Variants in CDH6 observed in about 807,000 individuals in gnomAD.
CDH6 encodes cadherin 6.
A neutral mutation model predicts 78.0 loss-of-function variants in CDH6; 31 were observed. That is an observed-to-expected ratio of 0.40 (90% CI 0.30 to 0.54). The LOEUF is 0.54. CDH6 is among the 20% of genes least tolerant of loss of function. The probability of loss-of-function intolerance (pLI) is 0.56; values close to 1 mark genes in which losing one functional copy is unlikely to be tolerated. For synonymous variants in CDH6, 376 were observed against 368.8 expected (o/e 1.02, Z -0.23); for missense variants, 724 against 975.9 (o/e 0.74, Z 3.44).
chr5:31,236,228 T>TA (rs1289462196), intron 1 of CDH6, among the ~76,000 whole-genome samples: 2 of 152,222 alleles, frequency 1.3e-5, no homozygotes, highest in Non-Finnish European at 2.9e-5. Context: ...ACAGGAAAAT[T>TA]AATGGGAAAA....
intron 5 of CDH6, 78 bp downstream of exon 5, chr5:31,299,709 G>A (rs1412566762): frequency 1.6e-6 from 2 of 1,284,478 alleles, no homozygotes; most frequent in Non-Finnish European, 2.2e-6. Context: ...ATTTTCCATT[G>A]TCATCATTAT....
intron 2 of CDH6, among the ~76,000 whole-genome samples, chr5:31,280,529 G>A (rs1451765977): frequency 5.3e-5 from 8 of 151,474 alleles, no homozygotes; most frequent in African/African-American, 2.4e-5. Context: ...TTTCTTGAGG[G>A]GTTTAAGTCT....
intron 6 of CDH6, 30 bp downstream of exon 6, chr5:31,302,328 G>A: frequency 6.6e-7 from 1 of 1,524,054 alleles, no homozygotes; most frequent in Non-Finnish European, 9.0e-7. Context: ...ACCATACAGA[G>A]TGAACCCATT....
intron 1 of CDH6, chr5:31,251,881 T>G (rs1159126276): frequency 6.6e-6 from 1 of 152,222 alleles, no homozygotes; most frequent in Non-Finnish European, 1.5e-5. Flanking sequence ...TATTTTTATG[T>G]TCATATTCCA....
intron 2 of CDH6, among the ~76,000 whole-genome samples, chr5:31,292,064 C>T (rs987695849): frequency 6.6e-6 from 1 of 152,186 alleles, no homozygotes; most frequent in Non-Finnish European, 1.5e-5. Context: ...CCTCTTCCTG[C>T]GCTCAAGAGT....
rs1003259773 is a variant in CDH6, at chr5:31,324,341, T to G, written c.*1033T>G. The G allele has an allele frequency of 1.4e-5, 3 of 213,490 alleles. No individual in the cohort carries two copies. Among genetic ancestry groups the G allele is most frequent in the Non-Finnish European group, 2.8e-5 (3 of 105,862 alleles). 13.2% of individuals were successfully genotyped at this position (213,490 alleles called of 1,614,324 possible). On this transcript the variant is annotated 3_prime_UTR_variant, in exon 12 of 12. Coordinates refer to ENST00000265071, the MANE Select transcript of CDH6 (RefSeq NM_004932.4). ...TAGTAAAGTTAGATTAAATAAAACT[T>G]AAATCTCACTCTAGGAGTTCAGTGG...
chr5:31,270,806 C>T (rs934416294), intron 2 of CDH6, among the ~76,000 whole-genome samples: 1 of 152,112 alleles, frequency 6.6e-6, no homozygotes, highest in African/African-American at 2.4e-5. Context: ...AAGATGTCCT[C>T]CTGCCCCAAC....
chr5:31,262,809 C>A (rs147239206), intron 1 of CDH6, among the ~76,000 whole-genome samples: 2 of 152,248 alleles, frequency 1.3e-5, no homozygotes, highest in Non-Finnish European at 2.9e-5. Flanking sequence ...CAAAATGAGC[C>A]ACCACATCTG....
chr5:31,237,397 T>C (rs1741481582), intron 1 of CDH6, among the ~76,000 whole-genome samples: 1 of 152,156 alleles, frequency 6.6e-6, no homozygotes, highest in African/African-American at 2.4e-5. Flanking sequence ...TGAACCACGC[T>C]ATCCACAAGC....
At chr5:31,295,824 T>C (rs1306352131) in intron 3 of CDH6, among the ~76,000 whole-genome samples, 2 of 152,174 alleles carry the variant, frequency 1.3e-5, no homozygotes, top group African/African-American at 4.8e-5. Context: ...CAAAGGGCTA[T>C]CATGAGGATT....
chr5:31,251,966 A>G (rs1741921094), intron 1 of CDH6: 1 of 152,210 alleles, frequency 6.6e-6, no homozygotes, highest in East Asian at 1.9e-4. Context: ...CCTCTTTCCC[A>G]TATAGCTGAA....
At chr5:31,275,882 G>A (rs1382878460) in intron 2 of CDH6, among the ~76,000 whole-genome samples, 1 of 152,118 alleles carries the variant, frequency 6.6e-6, no homozygotes, top group Non-Finnish European at 1.5e-5. Context: ...AACCTCTCTA[G>A]CCAAATTTTA....
intron 6 of CDH6, among the ~76,000 whole-genome samples, chr5:31,302,907 G>GA (rs756951213): frequency 1.2e-5 from 1 of 86,796 alleles, no homozygotes; most frequent in African/African-American, 3.8e-5. Flanking sequence ...AAGAAAAAAA[G>GA]AAAGAAAGAA....
intron 7 of CDH6, among the ~76,000 whole-genome samples, chr5:31,308,713 T>G (rs1328577439): frequency 6.6e-6 from 1 of 152,124 alleles, no homozygotes; most frequent in Non-Finnish European, 1.5e-5. Flanking sequence ...AGTTACTATC[T>G]CTTTCAAATT....
intron 1 of CDH6, among the ~76,000 whole-genome samples, chr5:31,237,445 G>T (rs1349277820): frequency 6.6e-6 from 1 of 152,008 alleles, no homozygotes; most frequent in Non-Finnish European, 1.5e-5. Context: ...ACTTCATGTT[G>T]CTCACATCAG....
chr5:31,260,454 T>C (rs1486598041), intron 1 of CDH6, among the ~76,000 whole-genome samples: 1 of 152,240 alleles, frequency 6.6e-6, no homozygotes, highest in Non-Finnish European at 1.5e-5. Context: ...GTCTTTATGC[T>C]CTGATTTAAG....
chr5:31,214,487 C>G (rs896437958), intron 1 of CDH6, among the ~76,000 whole-genome samples: 3 of 152,132 alleles, frequency 2.0e-5, no homozygotes, highest in African/African-American at 7.2e-5. Context: ...GATGACTGCT[C>G]TCTGCAGAAA....
chr5:31,302,903 A>AAAAAAAGAAAG lies in CDH6; in HGVS notation c.999+608_999+609insAAAGAAAGAAA, dbSNP rs1737842577. On this transcript the variant is annotated intron_variant, in intron 6 of 11. Transcript: ENST00000265071. The stretch of plus-strand genomic sequence containing the variant: ...GGAAGGAAGGAAAGAAAGAAAGAAA[A>AAAAAAAGAAAG]AAAGAAAGAAAGAAAGAAAGAAAGA... Among the ~76,000 whole-genome samples, 8 of 90,424 alleles carry AAAAAAAGAAAG rather than the reference A, an allele frequency of 8.8e-5. No individual in the cohort carries two copies. In the Admixed American group the frequency reaches 9.0e-4, roughly 10 times the overall value. The allele number at this position is 90,424 out of a possible 152,430, so 59.3% of individuals were successfully genotyped here.
chr5:31,279,733 G>A (rs770415894), intron 2 of CDH6, among the ~76,000 whole-genome samples: 4 of 152,102 alleles, frequency 2.6e-5, no homozygotes, highest in East Asian at 1.9e-4. Flanking sequence ...TTACTGCCTC[G>A]GGGGTGGCAG....
Sources: allele counts gnomAD v4.1 joint callset (sites outside exome capture counted in the v4.1 genomes callset), GRCh38; gene constraint gnomAD v4.1.1; transcripts MANE v1.5; gene names NCBI Gene and HGNC (gene_info 2026-07-23, HGNC 2026-07-21).